GALNT13: variants seen among roughly 807,000 people sequenced by gnomAD.
The protein encoded by GALNT13 is UDP-GalNAc:polypeptide N-acetylgalactosaminyltransferase 13.
GALNT13 carries 28 observed loss-of-function variants against 64.2 expected under a neutral mutation model. That is an observed-to-expected ratio of 0.44 (90% CI 0.32 to 0.60). GALNT13 has a LOEUF of 0.60. Ranked by LOEUF, GALNT13 falls within the 20% of genes least tolerant of loss-of-function variation. The pLI is 0.05. For synonymous variants in GALNT13, 214 were observed against 224.6 expected, an observed-to-expected ratio of 0.95 and a Z score of 0.42; for missense variants, 577 against 669.8, an observed-to-expected ratio of 0.86 and a Z score of 1.53.
At chr2:154,075,263 AAAAT>A in intron 3 of GALNT13, among the ~76,000 whole-genome samples, 1 of 151,928 alleles carries the variant, frequency 6.6e-6, no homozygotes, top group South Asian at 2.1e-4. Context: ...CTCTCAACCT[AAAAT>A]AAGAGTTTAA....
At chr2:153,689,093 T>C in the GALNT13 span, among the ~76,000 whole-genome samples, 1 of 150,846 alleles carries the variant, frequency 6.6e-6, no homozygotes, top group African/African-American at 2.5e-5. Context: ...TGTGTGTGTG[T>C]GTGTGTGTTT....
chr2:153,806,932 T>C, the GALNT13 span, among the ~76,000 whole-genome samples: 1 of 151,778 alleles, frequency 6.6e-6, no homozygotes, highest in Non-Finnish European at 1.5e-5. Flanking sequence ...AAAATTATAA[T>C]GAAACATAGA....
Position 153,872,317 on chromosome 2 carries a change from T to G in GALNT13, c.-177+14T>G, listed in dbSNP as rs1397552324. The G allele has an allele frequency of 1.3e-5, 2 of 152,414 alleles. No individual in the cohort carries two copies. Among genetic ancestry groups the G allele is most frequent in the African/African-American group, 4.8e-5 (2 of 41,412 alleles). 9.4% of individuals were successfully genotyped at this position (152,414 alleles called of 1,614,324 possible). ...CCAGGATAGCAGGTCTCCGTCTCTT[T>G]CTCGCTTCCCCTCTTTTCCTCTTGA... On this transcript the variant is annotated intron_variant, in intron 1 of 12. Coordinates refer to ENST00000392825, the MANE Select transcript of GALNT13 (RefSeq NM_052917.4).
intron 11 of GALNT13, among the ~76,000 whole-genome samples, chr2:154,412,716 A>G (rs1030154573): frequency 6.6e-6 from 1 of 151,820 alleles, no homozygotes; most frequent in Admixed American, 6.6e-5. Flanking sequence ...AGCAAAATCT[A>G]AATGGAGTTA....
At chr2:153,295,278 C>T in the GALNT13 span, among the ~76,000 whole-genome samples, 1 of 152,138 alleles carries the variant, frequency 6.6e-6, no homozygotes, top group African/African-American at 2.4e-5. Flanking sequence ...TATACATGAT[C>T]TCAGTACCTC....
the GALNT13 span, among the ~76,000 whole-genome samples, chr2:153,517,656 G>A: frequency 6.6e-6 from 1 of 152,270 alleles, no homozygotes; most frequent in Non-Finnish European, 1.5e-5. Context: ...GTAAATGGGA[G>A]CTACAGATAG....
the GALNT13 span, chr2:153,478,540 G>C: frequency 1.9e-6 from 3 of 1,603,126 alleles, no homozygotes; most frequent in Non-Finnish European, 1.7e-6. Context: ...CGCCACGTCC[G>C]TCTGGTTGCC....
the GALNT13 span, among the ~76,000 whole-genome samples, chr2:153,791,046 C>T: frequency 1.3e-5 from 2 of 152,098 alleles, no homozygotes; most frequent in African/African-American, 4.8e-5. Flanking sequence ...TAATTGTTTT[C>T]TGCATGGCAA....
At chr2:153,769,025 T>C in the GALNT13 span, among the ~76,000 whole-genome samples, 1 of 152,168 alleles carries the variant, frequency 6.6e-6, no homozygotes, top group Admixed American at 6.5e-5. Flanking sequence ...ATACAGAAAA[T>C]GGTGGAGACT....
At chr2:153,440,000 A>T in the GALNT13 span, among the ~76,000 whole-genome samples, 1 of 152,086 alleles carries the variant, frequency 6.6e-6, no homozygotes, top group Non-Finnish European at 1.5e-5. Flanking sequence ...TCTGTGCAGG[A>T]TGTGCAGGTT....
At chr2:153,629,960 A>G in the GALNT13 span, among the ~76,000 whole-genome samples, 3 of 147,842 alleles carry the variant, frequency 2.0e-5, no homozygotes, top group African/African-American at 5.1e-5. Context: ...ATCATCTCAC[A>G]CCAGTTAGAA....
At position 153,982,275 on chromosome 2, in the gene GALNT13, G is replaced by A. The variant is rs371453448; in HGVS notation, c.142+37636G>A. 3.0e-4 allele frequency among the ~76,000 whole-genome samples: 45 copies of A among 152,236 alleles called. No individual in the cohort carries two copies. The South Asian group carries it at 9.3e-3, about 32-fold the overall frequency. ...ATGATCCATTTGCAAGGACGGAAATGTACTTGGCTCATCTTAGTAAGTAAA... is the reference window on the plus strand; with the variant it reads ...ATGATCCATTTGCAAGGACGGAAATATACTTGGCTCATCTTAGTAAGTAAA... On this transcript the variant is annotated intron_variant, in intron 3 of 12. Transcript: ENST00000392825.
chr2:153,255,273 C>G, the GALNT13 span, among the ~76,000 whole-genome samples: 1 of 142,340 alleles, frequency 7.0e-6, no homozygotes, highest in South Asian at 2.3e-4. Context: ...TCTGTTTTAT[C>G]AGAGACTAGG....
the GALNT13 span, among the ~76,000 whole-genome samples, chr2:153,156,715 G>A: frequency 6.6e-6 from 1 of 152,116 alleles, no homozygotes; most frequent in Non-Finnish European, 1.5e-5. Context: ...TCCCAGTCCT[G>A]ATGGTATTAC....
At chr2:153,185,218 A>C in the GALNT13 span, among the ~76,000 whole-genome samples, 1 of 151,898 alleles carries the variant, frequency 6.6e-6, no homozygotes, top group African/African-American at 2.4e-5. Context: ...GGATTTATCT[A>C]TTTCTTCTAG....
intron 3 of GALNT13, among the ~76,000 whole-genome samples, chr2:154,035,046 A>C (rs947886786): frequency 6.6e-5 from 10 of 152,142 alleles, no homozygotes; most frequent in African/African-American, 2.4e-4. Context: ...TTTGATCAAG[A>C]AACCCACTAC....
chr2:153,822,668 A>G, the GALNT13 span, among the ~76,000 whole-genome samples: 1 of 151,010 alleles, frequency 6.6e-6, no homozygotes, highest in Non-Finnish European at 1.5e-5. Context: ...AAGGACTGGA[A>G]CACTGAATGG....
At chr2:153,819,122 C>G in the GALNT13 span, among the ~76,000 whole-genome samples, 7 of 152,154 alleles carry the variant, frequency 4.6e-5, no homozygotes, top group African/African-American at 1.7e-4. Flanking sequence ...CCGACTCAAC[C>G]ATCCAATATC....
the GALNT13 span, among the ~76,000 whole-genome samples, chr2:153,117,992 C>G: frequency 3.1e-3 from 473 of 152,170 alleles, 1 homozygote; most frequent in Non-Finnish European, 4.1e-3. Flanking sequence ...TATCTATTAT[C>G]TTTTCCTTGA....
Sources: allele counts gnomAD v4.1 joint callset (sites outside exome capture counted in the v4.1 genomes callset), GRCh38; gene constraint gnomAD v4.1.1; transcripts MANE v1.5; gene names NCBI Gene and HGNC (gene_info 2026-07-23, HGNC 2026-07-21).